SPOCK3: variants seen among roughly 807,000 people sequenced by gnomAD.
SPOCK3 encodes SPARC (osteonectin), cwcv and kazal like domains proteoglycan 3, also known as testican-3.
SPOCK3 carries 30 observed loss-of-function variants against 56.6 expected under a neutral mutation model. That is an observed-to-expected ratio of 0.53 (90% CI 0.40 to 0.72). The LOEUF (loss-of-function observed/expected upper bound fraction) is 0.72, where lower values mean the gene tolerates loss of function less well. Among genes scored for constraint, SPOCK3 ranks in the 30% least tolerant of loss-of-function variants. The pLI is 0.00. For missense variants in SPOCK3, 527 were observed against 530.0 expected, an observed-to-expected ratio of 0.99 and a Z score of 0.06; for synonymous variants, 196 against 183.3, an observed-to-expected ratio of 1.07 and a Z score of -0.56.
intron 5 of SPOCK3, among the ~76,000 whole-genome samples, chr4:166,890,250 G>A (rs1376002886): frequency 1.3e-5 from 2 of 151,724 alleles, no homozygotes; most frequent in Non-Finnish European, 2.9e-5. Flanking sequence ...ATAAATAAGT[G>A]GTCTAGAAGA....
chr4:167,125,275 C>A (rs1266180934), intron 2 of SPOCK3, among the ~76,000 whole-genome samples: 1 of 148,746 alleles, frequency 6.7e-6, no homozygotes, highest in East Asian at 2.0e-4. Context: ...CTGCTGTTCA[C>A]TCTTGGTAGA....
At chr4:167,199,221 TTGTTTG>T (rs1733261799) in intron 2 of SPOCK3, among the ~76,000 whole-genome samples, 1 of 136,662 alleles carries the variant, frequency 7.3e-6, no homozygotes, top group African/African-American at 2.9e-5. Flanking sequence ...TGCTAAATAT[TTGTTTG>T]TGTGTGTGTG....
chr4:167,018,005 G>C (rs576879256), intron 3 of SPOCK3, among the ~76,000 whole-genome samples: 1 of 152,038 alleles, frequency 6.6e-6, no homozygotes, highest in Non-Finnish European at 1.5e-5. Flanking sequence ...GACTTATTAA[G>C]AGATTTTTCT....
At chr4:166,751,415 A>G (rs1579116896) in intron 8 of SPOCK3, among the ~76,000 whole-genome samples, 1 of 152,306 alleles carries the variant, frequency 6.6e-6, no homozygotes, top group South Asian at 2.1e-4. Flanking sequence ...AGACTATCCA[A>G]TAAGTTGCAC....
intron 4 of SPOCK3, among the ~76,000 whole-genome samples, chr4:166,915,945 A>G (rs541032211): frequency 6.6e-6 from 1 of 152,242 alleles, no homozygotes; most frequent in Non-Finnish European, 1.5e-5. Context: ...AACTCTGAAC[A>G]TTTTCAGAAA....
chr4:166,868,594 A>G (rs757608656), intron 6 of SPOCK3, among the ~76,000 whole-genome samples: 7 of 152,162 alleles, frequency 4.6e-5, no homozygotes, highest in Admixed American at 1.3e-4. Context: ...CATAGTATTC[A>G]AGTATAGATC....
intron 3 of SPOCK3, among the ~76,000 whole-genome samples, chr4:167,061,015 T>C (rs1755549202): frequency 6.6e-6 from 1 of 152,088 alleles, no homozygotes; most frequent in African/African-American, 2.4e-5. Flanking sequence ...ATAAACATAA[T>C]ATTTTTAAGT....
intron 2 of SPOCK3, among the ~76,000 whole-genome samples, chr4:167,125,620 G>C (rs551996150): frequency 5.3e-5 from 8 of 152,072 alleles, no homozygotes; most frequent in African/African-American, 1.4e-4. Flanking sequence ...GAGGCTGAGG[G>C]AGGAGAATGG....
intron 6 of SPOCK3, among the ~76,000 whole-genome samples, chr4:166,824,873 A>C (rs902506778): frequency 6.7e-6 from 1 of 149,486 alleles, no homozygotes; most frequent in Non-Finnish European, 1.5e-5. Context: ...AATTACACTA[A>C]TTGATACACT....
At chr4:166,750,880 G>C (rs1388640689) in intron 8 of SPOCK3, among the ~76,000 whole-genome samples, 2 of 152,110 alleles carry the variant, frequency 1.3e-5, no homozygotes, top group African/African-American at 4.8e-5. Context: ...GGATAATATA[G>C]AGTCAAAACT....
At chr4:166,823,162 T>C (rs1579327066) in intron 6 of SPOCK3, among the ~76,000 whole-genome samples, 1 of 152,068 alleles carries the variant, frequency 6.6e-6, no homozygotes, top group South Asian at 2.1e-4. Context: ...ATATAAACAT[T>C]TCATTTTTTC....
chr4:166,965,435 A>G (rs1744617696), intron 4 of SPOCK3, among the ~76,000 whole-genome samples: 1 of 145,846 alleles, frequency 6.9e-6, no homozygotes, highest in Non-Finnish European at 1.5e-5. Flanking sequence ...TTCCTTCTTC[A>G]ATTTTGAAAG....
At chr4:167,059,860 G>C (rs1021756605) in intron 3 of SPOCK3, among the ~76,000 whole-genome samples, 3 of 152,130 alleles carry the variant, frequency 2.0e-5, no homozygotes, top group Admixed American at 1.3e-4. Context: ...TAGCGACATG[G>C]ATGAAATTGG....
At chr4:167,185,578 C>T (rs1731875860) in intron 2 of SPOCK3, among the ~76,000 whole-genome samples, 1 of 152,104 alleles carries the variant, frequency 6.6e-6, no homozygotes. Flanking sequence ...TGTATAAATG[C>T]CATCTGCTGT....
At chr4:167,187,031 C>A (rs1206799444) in intron 2 of SPOCK3, among the ~76,000 whole-genome samples, 1 of 150,610 alleles carries the variant, frequency 6.6e-6, no homozygotes, top group Non-Finnish European at 1.5e-5. Flanking sequence ...AGATATCTCA[C>A]TAAGAAGCCA....
At chr4:167,119,029 C>T (rs1428034391) in intron 2 of SPOCK3, among the ~76,000 whole-genome samples, 1 of 149,874 alleles carries the variant, frequency 6.7e-6, no homozygotes, top group Non-Finnish European at 1.5e-5. Context: ...AAATCTGGGC[C>T]GAATCAAGAA....
At chr4:166,910,056 AAAAAAG>A (rs1737093357) in intron 5 of SPOCK3, among the ~76,000 whole-genome samples, 1 of 152,132 alleles carries the variant, frequency 6.6e-6, no homozygotes, top group Non-Finnish European at 1.5e-5. Flanking sequence ...TAAACTCTTA[AAAAAAG>A]ATTAGTAAGG....
intron 2 of SPOCK3, among the ~76,000 whole-genome samples, chr4:167,094,471 CATCA>C (rs1190973981): frequency 6.6e-6 from 1 of 151,976 alleles, no homozygotes; most frequent in Non-Finnish European, 1.5e-5. Context: ...AAAATTCATA[CATCA>C]ATCCATGTAA....
At chr4:166,798,627 A>T (rs1742221890) in intron 6 of SPOCK3, among the ~76,000 whole-genome samples, 1 of 152,248 alleles carries the variant, frequency 6.6e-6, no homozygotes, top group East Asian at 1.9e-4. Context: ...TATGATCTGG[A>T]TTAAAGAGCA....
Sources: gnomAD v4.1 joint callset for allele counts (sites outside exome capture counted in the v4.1 genomes callset) on GRCh38, gnomAD v4.1.1 for gene constraint, MANE v1.5 for transcripts, NCBI Gene and HGNC (gene_info 2026-07-23, HGNC 2026-07-21) for gene names.